ADGRL2: variants seen among roughly 807,000 people sequenced by gnomAD.
The protein encoded by ADGRL2 is calcium-independent alpha-latrotoxin receptor 2.
Under a neutral mutation model 157.4 loss-of-function variants are expected in ADGRL2, and 44 were observed. The ratio of observed to expected loss-of-function variants is 0.28; its 90% CI spans 0.22 to 0.36. The LOEUF is 0.36. Among genes scored for constraint, ADGRL2 ranks in the 10% least tolerant of loss-of-function variants. The probability of loss-of-function intolerance (pLI) is 1.00; values close to 1 mark genes in which losing one functional copy is unlikely to be tolerated. For missense variants in ADGRL2, 1,510 were observed against 1,768.9 expected (o/e 0.85, Z 2.63); for synonymous variants, 585 against 624.7 (o/e 0.94, Z 0.95).
At chr1:81,319,239 G>A (rs987081303) in intron 1 of ADGRL2, among the ~76,000 whole-genome samples, 11 of 151,726 alleles carry the variant, frequency 7.2e-5, no homozygotes, top group Non-Finnish European at 1.3e-4. Flanking sequence ...GAGCCACCGC[G>A]CCCAGCTTTA....
At chr1:81,353,441 G>C (rs1010305512) in intron 1 of ADGRL2, among the ~76,000 whole-genome samples, 1 of 152,104 alleles carries the variant, frequency 6.6e-6, no homozygotes, top group Non-Finnish European at 1.5e-5. Flanking sequence ...TGATGGCTGG[G>C]CCTCAGAGCA....
intron 1 of ADGRL2, among the ~76,000 whole-genome samples, chr1:81,407,764 G>A (rs932123413): frequency 6.6e-6 from 1 of 152,184 alleles, no homozygotes; most frequent in Admixed American, 6.5e-5. Context: ...GGACTTGATG[G>A]TATGCACATA....
intron 1 of ADGRL2, among the ~76,000 whole-genome samples, chr1:81,700,813 G>A (rs953677882): frequency 2.6e-5 from 4 of 152,184 alleles, no homozygotes; most frequent in Non-Finnish European, 5.9e-5. Context: ...GCACTACTAA[G>A]AATGCTGGGG....
intron 2 of ADGRL2, among the ~76,000 whole-genome samples, chr1:81,460,710 G>T (rs1010664973): frequency 6.6e-6 from 1 of 152,106 alleles, no homozygotes; most frequent in Non-Finnish European, 1.5e-5. Context: ...TATTAACAAA[G>T]AATAAAATGG....
At chr1:81,772,181 C>T (rs1403208760) in intron 2 of ADGRL2, among the ~76,000 whole-genome samples, 1 of 145,410 alleles carries the variant, frequency 6.9e-6, no homozygotes, top group Non-Finnish European at 1.5e-5. Context: ...ACCCGGGAAG[C>T]GGAAGTTGCA....
At chr1:81,308,155 C>A (rs1659483545) in intron 1 of ADGRL2, among the ~76,000 whole-genome samples, 1 of 151,986 alleles carries the variant, frequency 6.6e-6, no homozygotes, top group Non-Finnish European at 1.5e-5. Context: ...TTATTTATTA[C>A]ACAGTAATTA....
intron 2 of ADGRL2, among the ~76,000 whole-genome samples, chr1:81,779,680 A>G (rs1374071981): frequency 6.6e-6 from 1 of 152,146 alleles, no homozygotes; most frequent in Non-Finnish European, 1.5e-5. Flanking sequence ...TGGTTTCTTT[A>G]GTTTCCTCCC....
chr1:81,432,525 C>T (rs2077339992), intron 1 of ADGRL2, among the ~76,000 whole-genome samples: 2 of 152,176 alleles, frequency 1.3e-5, no homozygotes, highest in Admixed American at 1.3e-4. Flanking sequence ...ATAAGAAGTA[C>T]TCCAGAGGAG....
At chr1:81,794,082 C>T (rs545997750) in intron 2 of ADGRL2, among the ~76,000 whole-genome samples, 1 of 152,164 alleles carries the variant, frequency 6.6e-6, no homozygotes, top group Admixed American at 6.5e-5. Flanking sequence ...TACCTTGACA[C>T]GTCTCCTCAT....
intron 10 of ADGRL2, among the ~76,000 whole-genome samples, chr1:81,954,412 A>G (rs1471875068): frequency 6.6e-6 from 1 of 152,184 alleles, no homozygotes; most frequent in African/African-American, 2.4e-5. Flanking sequence ...CATTTTCAGT[A>G]TGTCTCAAAT....
intron 2 of ADGRL2, among the ~76,000 whole-genome samples, chr1:81,536,921 A>T (rs985098938): frequency 6.6e-6 from 1 of 152,304 alleles, no homozygotes. Flanking sequence ...AAATCACAAC[A>T]TACTTATGTA....
At chr1:81,824,086 A>G (rs1007997329) in intron 1 of ADGRL2, among the ~76,000 whole-genome samples, 8 of 152,182 alleles carry the variant, frequency 5.3e-5, no homozygotes, top group African/African-American at 1.9e-4. Flanking sequence ...TCTTAATTAC[A>G]TTACATAAAT....
intron 2 of ADGRL2, among the ~76,000 whole-genome samples, chr1:81,568,738 C>CA (rs1042413381): frequency 7.9e-5 from 12 of 151,656 alleles, no homozygotes; most frequent in African/African-American, 1.9e-4. Context: ...TTATTTTTAC[C>CA]AAAAAAATGA....
intron 1 of ADGRL2, among the ~76,000 whole-genome samples, chr1:81,812,765 C>T (rs1288641577): frequency 6.6e-6 from 1 of 151,732 alleles, no homozygotes; most frequent in Non-Finnish European, 1.5e-5. Context: ...GAAAAACGAT[C>T]GCTTTGGCTT....
intron 2 of ADGRL2, among the ~76,000 whole-genome samples, chr1:81,763,756 T>A (rs1490174728): frequency 4.2e-5 from 6 of 142,594 alleles, no homozygotes; most frequent in African/African-American, 1.6e-4. Flanking sequence ...CGCAGTGGCT[T>A]ACGCCTGTGG....
At chr1:81,964,746 A>G (rs1301640130) in intron 11 of ADGRL2, among the ~76,000 whole-genome samples, 2 of 152,088 alleles carry the variant, frequency 1.3e-5, no homozygotes, top group African/African-American at 4.8e-5. Flanking sequence ...CATTAGAGAC[A>G]TTAAAGAGAG....
chr1:81,953,231 C>T (rs1053485134), intron 10 of ADGRL2, among the ~76,000 whole-genome samples: 12 of 152,106 alleles, frequency 7.9e-5, no homozygotes, highest in Non-Finnish European at 1.5e-4. Context: ...GCTGTTTTTC[C>T]ATTCATCCAA....
chr1:81,526,103 C>T (rs557474599), intron 2 of ADGRL2, among the ~76,000 whole-genome samples: 216 of 152,160 alleles, frequency 1.4e-3, no homozygotes, highest in African/African-American at 4.9e-3. Context: ...CTTTTATAGA[C>T]AATTACATAA....
At chr1:81,871,237 G>A (rs12144126) in intron 2 of ADGRL2, among the ~76,000 whole-genome samples, 11,676 of 151,680 alleles carry the variant, frequency 0.077, 539 homozygotes, top group South Asian at 0.16. Context: ...TTCCAGCTTC[G>A]TCCATGTCCC....
Sources: allele counts gnomAD v4.1 joint callset (sites outside exome capture counted in the v4.1 genomes callset), GRCh38; gene constraint gnomAD v4.1.1; transcripts MANE v1.5; gene names NCBI Gene and HGNC (gene_info 2026-07-23, HGNC 2026-07-21).